Variants in RGS1 observed in about 807,000 individuals in gnomAD.
RGS1 encodes the protein B-cell activation protein BL34.
A neutral mutation model predicts 22.2 loss-of-function variants in RGS1; 11 were observed. That is an observed-to-expected ratio of 0.50 (90% confidence interval 0.31 to 0.82). The LOEUF is 0.82. RGS1 is among the 40% of genes least tolerant of loss of function. RGS1 has a pLI of 0.04. For synonymous variants in RGS1, 81 were observed against 79.9 expected (o/e 1.01, Z -0.07); for missense variants, 255 against 245.8 (o/e 1.04, Z -0.25).
In RGS1 at chr1:192,578,263, A is replaced by C; in HGVS notation, c.322A>C (p.Ser108Arg). 1 of 1,612,856 alleles carries C rather than the reference A, an allele frequency of 6.2e-7. No homozygotes were observed. Among genetic ancestry groups the C allele is most frequent in the Non-Finnish European group, 8.5e-7 (1 of 1,179,294 alleles). ...TGGAAGTTTCCTAAAGTCTGAATTC[A>C]GTGAGGAGAATATTGAGTTCTGGCT... ...VFGSFLKSEF[S>R]EENIEFWLAC... The change falls in exon 4 of 5, where the codon AGT becomes CGT. Residue 108 changes from serine to arginine, a missense_variant. Ser to Arg is a moderately radical substitution (Grantham distance 110, BLOSUM62 -1). Coordinates refer to ENST00000367459, the MANE Select transcript of RGS1 (RefSeq NM_002922.4).
chr1:192,575,786 G>C lies in RGS1; in HGVS notation c.-7G>C. 1 of 1,612,986 alleles carries C rather than the reference G, an allele frequency of 6.2e-7. No individual in the cohort carries two copies. The highest frequency in any genetic ancestry group is 8.5e-7 in the Non-Finnish European group (1 of 1,179,234). ...ACGTTGACTAGCGCATATTTGCTAA[G>C]AGCACCATGCGCGCAGCAGCCATCT... On this transcript the variant is annotated 5_prime_UTR_variant, in exon 1 of 5. Coordinates refer to ENST00000367459, the MANE Select transcript of RGS1 (RefSeq NM_002922.4).
chr1:192,578,504 C>G, intron 4 of RGS1, 119 bp downstream of exon 4: 1 of 1,092,036 alleles, frequency 9.2e-7, no homozygotes, highest in Non-Finnish European at 1.3e-6. Context: ...CTTCTACATA[C>G]TTAGGCATAT....
Position 192,579,589 on chromosome 1 carries a change from A to G in RGS1, c.*267A>G. 1 of 338,324 alleles carries G rather than the reference A, an allele frequency of 3.0e-6. No homozygotes were observed. Among genetic ancestry groups the G allele is most frequent in the Middle Eastern group, 7.6e-4 (1 of 1,312 alleles). The allele number at this position is 338,324 out of a possible 1,614,324, so 21.0% of individuals were successfully genotyped here. On this transcript the variant is annotated 3_prime_UTR_variant, in exon 5 of 5. Coordinates refer to ENST00000367459, the MANE Select transcript of RGS1 (RefSeq NM_002922.4). ...GGAGCTCTGTATTAGAAAGCCCCTC[A>G]GAACTGGGAAGGCCAGGTAACTCTA...
intron 4 of RGS1, 53 bp from the exon 5 acceptor site, chr1:192,579,084 A>G: frequency 6.5e-7 from 1 of 1,536,894 alleles, no homozygotes; most frequent in Non-Finnish European, 8.8e-7. Flanking sequence ...GTAACATCAT[A>G]AAATTTGCAG....
chr1:192,575,873 A>G lies in RGS1; in HGVS notation c.81A>G (p.Lys27=). Residue 27 remains lysine, a synonymous_variant, in exon 1 of 5, where the codon AAA becomes AAG. Coordinates refer to ENST00000367459, the MANE Select transcript of RGS1 (RefSeq NM_002922.4). ...TCTCTGCTAACCCAAAGGAATTGAA[A>G]GGAACCACTCATTCACTTCTAGACG... The part of the protein sequence containing the change: ...MFFSANPKEL[K]GTTHSLLDDK... The G allele has an allele frequency of 6.2e-7, 1 of 1,613,424 alleles. No individual in the cohort carries two copies. The highest frequency in any genetic ancestry group is 2.2e-5 in the East Asian group (1 of 44,860).
In RGS1 at chr1:192,576,813, G is replaced by A; in HGVS notation, c.258G>A (p.Leu86=). 1.2e-6 allele frequency: 2 copies of A among 1,611,416 alleles called. No individual in the cohort carries two copies. The highest frequency in any genetic ancestry group is 1.7e-6 in the Non-Finnish European group (2 of 1,178,640). The change falls in exon 3 of 5, where the codon CTG becomes CTA. Residue 86 remains leucine, a synonymous_variant. Coordinates refer to ENST00000367459, the MANE Select transcript of RGS1 (RefSeq NM_002922.4). ...AAGTAATGCAATGGTCTCAATCTCT[G>A]GAAAAACTTCTTGCCAACCAAAGTA... ...AAEVMQWSQS[L]EKLLANQTGQ...
chr1:192,579,046 A>G, intron 4 of RGS1, 91 bp from the exon 5 acceptor site: 1 of 1,286,348 alleles, frequency 7.8e-7, no homozygotes, highest in Non-Finnish European at 1.1e-6. Context: ...AGGCCTTAAA[A>G]TTACTTTCTG....
At chr1:192,576,110 T>G in intron 1 of RGS1, 175 bp from the exon 2 acceptor site, 2 of 919,546 alleles carry the variant, frequency 2.2e-6, no homozygotes. Flanking sequence ...GATATGGCAT[T>G]AAATTGGGTA....
rs1186321564 is a variant in RGS1, at chr1:192,578,218, T to A, written c.281-4T>A. 13 of 1,606,676 alleles carry A rather than the reference T, an allele frequency of 8.1e-6. No individual in the cohort carries two copies. Among genetic ancestry groups the A allele is most frequent in the African/African-American group, 1.3e-5 (1 of 74,478 alleles). On this transcript the variant is annotated splice_region_variant and splice_polypyrimidine_tract_variant and intron_variant, in intron 3 of 4. Coordinates refer to ENST00000367459, the MANE Select transcript of RGS1 (RefSeq NM_002922.4). ...CTCCCCACCCACCCCTCGTTTCTTT[T>A]TAGCTGGTCAAAATGTCTTTGGAAG... is the stretch of plus-strand genomic sequence containing the variant.
rs749496425 is a variant in RGS1 at position 192,576,390 on chromosome 1, A to G, written c.218+25A>G. The stretch of plus-strand genomic sequence containing the variant: ...TGTAAGTACACTAATACACTAAACT[A>G]TCATTATCATTTACAAGAGAAGCCT... On this transcript the variant is annotated intron_variant, in intron 2 of 4. Transcript: ENST00000367459. The G allele has an allele frequency of 6.0e-6, 9 of 1,494,704 alleles. No homozygotes were observed. The Admixed American group carries it at 1.2e-4, about 20-fold the overall frequency. 92.6% of individuals were successfully genotyped at this position (1,494,704 alleles called of 1,614,324 possible).
chr1:192,576,801 G>T lies in RGS1; in HGVS notation c.246G>T (p.Trp82Cys). 1.9e-6 allele frequency: 3 copies of T among 1,611,984 alleles called. No individual in the cohort carries two copies. Among genetic ancestry groups the T allele is most frequent in the Non-Finnish European group, 2.5e-6 (3 of 1,178,892 alleles). ...DVLSAAEVMQ[W>C]SQSLEKLLAN... ...TTTCTGCTGCTGAAGTAATGCAATG[G>T]TCTCAATCTCTGGAAAAACTTCTTG... The change falls in exon 3 of 5, where the codon TGG (tryptophan) becomes TGT (cysteine). Residue 82 changes from tryptophan to cysteine, a missense_variant. Trp to Cys is a radical substitution (Grantham distance 215). Coordinates refer to ENST00000367459, the MANE Select transcript of RGS1 (RefSeq NM_002922.4).
In RGS1 at chr1:192,578,404, A is replaced by G. The variant is rs1662101261; in HGVS notation, c.444+19A>G. 1.5e-5 allele frequency: 24 copies of G among 1,610,572 alleles called. No homozygotes were observed. Among genetic ancestry groups the G allele is most frequent in the Non-Finnish European group, 2.0e-5 (24 of 1,179,198 alleles). On this transcript the variant is annotated intron_variant, in intron 4 of 4. Transcript: ENST00000367459. ...TAAACAAGTGAGTATTAAGCTTATC[A>G]TCATCAGTTTCTCCATAAAAGACCC...
Position 192,575,839 on chromosome 1 carries a change from G to C in RGS1, c.47G>C (p.Gly16Ala). ...ACTCCAAAGTTAGACAAAATGCCAG[G>C]AATGTTCTTCTCTGCTAACCCAAAG... ...ISTPKLDKMPGMFFSANPKEL... is the reference protein window; with the variant it reads ...ISTPKLDKMPAMFFSANPKEL... The change falls in exon 1 of 5, where the codon GGA becomes GCA. Residue 16 changes from glycine to alanine, a missense_variant. Physicochemically the swap from Gly to Ala is moderately conservative, Grantham distance 60 (BLOSUM62 0). Transcript: ENST00000367459. The C allele has an allele frequency of 6.2e-7, 1 of 1,613,382 alleles. No homozygotes were observed. The highest frequency in any genetic ancestry group is 8.5e-7 in the Non-Finnish European group (1 of 1,179,454).
At chr1:192,576,498 T>C (rs1428181175) in intron 2 of RGS1, 133 bp downstream of exon 2, 1 of 674,344 alleles carries the variant, frequency 1.5e-6, no homozygotes, top group African/African-American at 1.8e-5. Flanking sequence ...CCAAATAAAA[T>C]TAGACTATCA....
At chr1:192,576,434 C>A in intron 2 of RGS1, 69 bp downstream of exon 2, 3 of 1,143,620 alleles carry the variant, frequency 2.6e-6, no homozygotes, top group Non-Finnish European at 2.6e-6. Flanking sequence ...TCTCTATATC[C>A]CAGCAAGGGA....
At chr1:192,577,686 A>G (rs982295283) in intron 3 of RGS1, 1 of 158,172 alleles carries the variant, frequency 6.3e-6, no homozygotes, top group African/African-American at 2.4e-5. Context: ...TGGTATAGAT[A>G]TGGACCATAA....
chr1:192,579,133 T>G lies in RGS1; in HGVS notation c.445-4T>G. ...ATATTAGCTAACAAGGTTTTCTTTTTTAGATCAATATTGACTTCCGCACTC... is the reference window on the plus strand; with the variant it reads ...ATATTAGCTAACAAGGTTTTCTTTTGTAGATCAATATTGACTTCCGCACTC... On this transcript the variant is annotated splice_polypyrimidine_tract_variant and splice_region_variant and intron_variant, in intron 4 of 4. Transcript: ENST00000367459. The G allele has an allele frequency of 6.2e-7, 1 of 1,601,310 alleles. No individual in the cohort carries two copies. The highest frequency in any genetic ancestry group is 8.5e-7 in the Non-Finnish European group (1 of 1,176,466).
rs539968592 is a variant in RGS1, at chr1:192,579,766, A to T, written c.*444A>T. ...TTAAAGTATATGTTTTCAAATTGCCATTGCTACTATTGCTTGTCGGTGTTA... is the reference window on the plus strand; with the variant it reads ...TTAAAGTATATGTTTTCAAATTGCCTTTGCTACTATTGCTTGTCGGTGTTA... On this transcript the variant is annotated 3_prime_UTR_variant, in exon 5 of 5. Transcript: ENST00000367459. 6.5e-6 allele frequency: 1 copy of T among 152,724 alleles called. No individual in the cohort carries two copies. Among genetic ancestry groups the T allele is most frequent in the African/African-American group, 2.4e-5 (1 of 41,614 alleles). 9.5% of individuals were successfully genotyped at this position (152,724 alleles called of 1,614,324 possible).
rs772513476 is a variant in RGS1 at position 192,575,773 on chromosome 1, G to A, written c.-20G>A. 1.2e-5 allele frequency: 20 copies of A among 1,612,284 alleles called. No individual in the cohort carries two copies. Among genetic ancestry groups the A allele is most frequent in the Middle Eastern group, 1.6e-4 (1 of 6,072 alleles). On this transcript the variant is annotated 5_prime_UTR_variant, in exon 1 of 5. Transcript: ENST00000367459. ...TAAAGCAGCAGAGACGTTGACTAGC[G>A]CATATTTGCTAAGAGCACCATGCGC...
Sources: gnomAD v4.1 joint callset for allele counts on GRCh38, gnomAD v4.1.1 for gene constraint, MANE v1.5 for transcripts, NCBI Gene and HGNC (gene_info 2026-07-23, HGNC 2026-07-21) for gene names.